Variants in CCDC191 observed in about 807,000 individuals in gnomAD.
CCDC191 encodes coiled-coil domain containing 191.
In CCDC191, 99 loss-of-function variants were observed where a neutral mutation model predicts 114.0. The observed-to-expected ratio is 0.87, with a 90% CI of 0.74 to 1.03. CCDC191 has a LOEUF of 1.03. Ranked by LOEUF, CCDC191 falls within the 50% of genes least tolerant of loss-of-function variation. The pLI is 0.00. For synonymous variants in CCDC191, 351 were observed against 376.0 expected (o/e 0.93, Z 0.77); for missense variants, 973 against 1,087.0 (o/e 0.90, Z 1.47).
At chr3:114,025,191 TCC>T (rs1377436036) in intron 7 of CCDC191, among the ~76,000 whole-genome samples, 1 of 151,538 alleles carries the variant, frequency 6.6e-6, no homozygotes, top group Non-Finnish European at 1.5e-5. Context: ...GTCTGTTATA[TCC>T]TGGAATATGT....
At chr3:114,038,735 A>G (rs1278601282) in intron 4 of CCDC191, among the ~76,000 whole-genome samples, 1 of 152,210 alleles carries the variant, frequency 6.6e-6, no homozygotes, top group Non-Finnish European at 1.5e-5. Flanking sequence ...CTTTGCAGAG[A>G]CATGGATGGA....
At chr3:114,013,765 T>C (rs1480532942) in intron 8 of CCDC191, among the ~76,000 whole-genome samples, 1 of 152,170 alleles carries the variant, frequency 6.6e-6, no homozygotes, top group Non-Finnish European at 1.5e-5. Context: ...AGTATGAACC[T>C]TGCTGCCCAG....
In CCDC191 at chr3:114,032,906, A is replaced by C. The variant is rs151140208; in HGVS notation, c.819-1127T>G. Among the ~76,000 whole-genome samples, 8 of 152,340 alleles carry C rather than the reference A, an allele frequency of 5.3e-5. No individual in the cohort carries two copies. The East Asian group carries it at 1.5e-3, about 29-fold the overall frequency. The stretch of plus-strand genomic sequence containing the variant: ...AAATGTTATTGACTTTTTCCAAACT[A>C]TGAATGCCATAACAATGTTATATTA... On this transcript the variant is annotated intron_variant, in intron 6 of 16. Coordinates refer to ENST00000295878, the MANE Select transcript of CCDC191 (RefSeq NM_020817.2).
At chr3:113,969,284 C>G (rs1272450739) in intron 16 of CCDC191, among the ~76,000 whole-genome samples, 2 of 152,318 alleles carry the variant, frequency 1.3e-5, no homozygotes, top group East Asian at 3.9e-4. Context: ...CAAATACTCT[C>G]TCTCTCTTTC....
Position 114,005,874 on chromosome 3 carries a change from C to T in CCDC191, c.1502G>A (p.Gly501Asp), listed in dbSNP as rs1180637241. Residue 501 changes from glycine to aspartate, a missense_variant, in exon 10 of 17, where the codon GGC becomes GAC. Physicochemically the swap from Gly to Asp is moderately conservative, Grantham distance 94 (BLOSUM62 -1). Transcript: ENST00000295878. ...LSPPLGRTTT[G>D]NLQGSLQNVS... The stretch of plus-strand genomic sequence containing the variant: ...ATTCTGAAGGGAACCCTGCAAGTTG[C>T]CTGTTGTTGTTCTTCCCAGGGGAGG... 6.2e-7 allele frequency: 1 copy of T among 1,613,924 alleles called. No homozygotes were observed. The highest frequency in any genetic ancestry group is 1.3e-5 in the African/African-American group (1 of 74,890).
chr3:114,036,553 T>C, intron 5 of CCDC191, 55 bp downstream of exon 5: 30 of 1,274,842 alleles, frequency 2.4e-5, no homozygotes, highest in Non-Finnish European at 3.2e-5. Flanking sequence ...TTATTAAATG[T>C]GTTACACAAA....
At position 114,018,551 on chromosome 3, in the gene CCDC191, T is replaced by C. The variant is rs16845135; in HGVS notation, c.1163+127A>G. ...TTTGAGATGTAACATAGAAAAACTGTGATTACCATATTTCATAAGTGGTTA... is the reference window on the plus strand; with the variant it reads ...TTTGAGATGTAACATAGAAAAACTGCGATTACCATATTTCATAAGTGGTTA... On this transcript the variant is annotated intron_variant, in intron 8 of 16. Transcript: ENST00000295878. 5.0e-3 allele frequency: 3,715 copies of C among 747,296 alleles called. 125 individuals carry two copies. In the East Asian group the frequency reaches 0.075, roughly 15 times the overall value. 46.3% of individuals were successfully genotyped at this position (747,296 alleles called of 1,614,324 possible).
chr3:114,043,010 G>C (rs1246910801), intron 3 of CCDC191, among the ~76,000 whole-genome samples, 164 bp from the exon 4 acceptor site: 1 of 152,118 alleles, frequency 6.6e-6, no homozygotes, highest in Non-Finnish European at 1.5e-5. Context: ...ATAAGCCCTA[G>C]CATCATGAAA....
At chr3:113,985,605 A>C (rs2075325881) in intron 13 of CCDC191, among the ~76,000 whole-genome samples, 1 of 152,190 alleles carries the variant, frequency 6.6e-6, no homozygotes. Flanking sequence ...GTCCACACCC[A>C]ATCACCACAC....
Position 113,978,990 on chromosome 3 carries a change from A to C in CCDC191, c.2328T>G (p.Ser776=), listed in dbSNP as rs754067797. 6 of 1,613,822 alleles carry C rather than the reference A, an allele frequency of 3.7e-6. No homozygotes were observed. The highest frequency in any genetic ancestry group is 5.1e-6 in the Non-Finnish European group (6 of 1,179,932). The stretch of plus-strand genomic sequence containing the variant: ...GCATGTATTTCCTCTGCAGGAACAA[A>C]GAGTAATGTTCTTCTGCCACCTGGA... The part of the protein sequence containing the change: ...QNIQVAEEHY[S]LFLQRKYMLT... The change falls in exon 15 of 17, where the codon TCT becomes TCG. Residue 776 remains serine, a synonymous_variant. Coordinates refer to ENST00000295878, the MANE Select transcript of CCDC191 (RefSeq NM_020817.2).
intron 13 of CCDC191, chr3:113,984,672 A>G (rs913013667): frequency 1.3e-5 from 2 of 152,244 alleles, no homozygotes; most frequent in Non-Finnish European, 2.9e-5. Context: ...AAATGCACCT[A>G]TCTCAATTTA....
chr3:113,980,324 T>C (rs2075101064), intron 14 of CCDC191, among the ~76,000 whole-genome samples: 1 of 152,166 alleles, frequency 6.6e-6, no homozygotes, highest in South Asian at 2.1e-4. Context: ...TGCAACTTTA[T>C]CACAGGCAGA....
chr3:113,972,756 A>G (rs1401573503), intron 16 of CCDC191, among the ~76,000 whole-genome samples: 8 of 152,114 alleles, frequency 5.3e-5, no homozygotes, highest in African/African-American at 1.7e-4. Flanking sequence ...GTGCATAGAT[A>G]TTTATAATTG....
At chr3:114,025,095 T>C (rs2076300801) in intron 7 of CCDC191, among the ~76,000 whole-genome samples, 1 of 152,150 alleles carries the variant, frequency 6.6e-6, no homozygotes, top group African/African-American at 2.4e-5. Context: ...AACTTGCTGC[T>C]GGGTTCCATG....
intron 16 of CCDC191, among the ~76,000 whole-genome samples, chr3:113,977,576 A>G (rs995539687): frequency 1.3e-5 from 2 of 152,254 alleles, no homozygotes; most frequent in South Asian, 2.1e-4. Context: ...CCATGTATAT[A>G]AAGTTCCAAA....
rs745861392 is a variant in CCDC191 at position 113,965,124 on chromosome 3, C to T, written c.*31G>A. The T allele has an allele frequency of 1.4e-6, 2 of 1,444,936 alleles. 1 individual carries two copies. The highest frequency in any genetic ancestry group is 1.9e-6 in the Non-Finnish European group (2 of 1,060,540). The allele number at this position is 1,444,936 out of a possible 1,614,324, so 89.5% of individuals were successfully genotyped here. ...ATAACACACATACAGACTAGTCGAG[C>T]TTCCTGTCCTAAATATTACACTAAT... On this transcript the variant is annotated 3_prime_UTR_variant, in exon 17 of 17. Coordinates refer to ENST00000295878, the MANE Select transcript of CCDC191 (RefSeq NM_020817.2).
intron 8 of CCDC191, among the ~76,000 whole-genome samples, chr3:114,013,405 A>G (rs554599021): frequency 6.6e-6 from 1 of 152,206 alleles, no homozygotes; most frequent in Non-Finnish European, 1.5e-5. Flanking sequence ...CAGAGTGACA[A>G]TGTTGCATAT....
intron 16 of CCDC191, among the ~76,000 whole-genome samples, chr3:113,973,754 T>C (rs111547398): frequency 7.2e-5 from 11 of 152,196 alleles, no homozygotes; most frequent in African/African-American, 2.6e-4. Context: ...ATCCTCTTTG[T>C]CCTTGACGTT....
chr3:113,996,291 G>T (rs1337987197), intron 13 of CCDC191, among the ~76,000 whole-genome samples: 1 of 152,130 alleles, frequency 6.6e-6, no homozygotes. Context: ...TTTGTATAAG[G>T]TGTAAGGAAG....
Sources: gnomAD v4.1 joint callset for allele counts (sites outside exome capture counted in the v4.1 genomes callset) on GRCh38, gnomAD v4.1.1 for gene constraint, MANE v1.5 for transcripts, NCBI Gene and HGNC (gene_info 2026-07-23, HGNC 2026-07-21) for gene names.